The following CORIN variants were observed in gnomAD, a reference collection of about 807,000 sequenced individuals.
CORIN encodes the protein atrial natriuretic peptide-converting enzyme.
A neutral mutation model predicts 125.3 loss-of-function variants in CORIN; 117 were observed. The ratio of observed to expected loss-of-function variants is 0.93; its 90% CI spans 0.80 to 1.09. CORIN has a LOEUF of 1.09. CORIN is among the 50% of genes least tolerant of loss of function. CORIN has a pLI of 0.00. For missense variants in CORIN, 1,253 were observed against 1,306.7 expected (o/e 0.96, Z 0.63); for synonymous variants, 450 against 466.4 (o/e 0.96, Z 0.45).
intron 7 of CORIN, chr4:47,683,443 A>C: frequency 8.0e-6 from 2 of 251,550 alleles, no homozygotes; most frequent in Non-Finnish European, 1.5e-5. Flanking sequence ...GAGAAACAGA[A>C]CACATTTGAG....
intron 5 of CORIN, chr4:47,706,360 A>C: frequency 6.3e-7 from 1 of 1,581,302 alleles, no homozygotes; most frequent in Non-Finnish European, 8.6e-7. Flanking sequence ...GGCAGCCATC[A>C]GGTAAGCCAA....
At chr4:47,754,801 C>T (rs73144301) in intron 4 of CORIN, among the ~76,000 whole-genome samples, 81 of 152,272 alleles carry the variant, frequency 5.3e-4, no homozygotes, top group African/African-American at 1.9e-3. Context: ...ACCAGAAGTC[C>T]TGCAGTTAAC....
intron 5 of CORIN, among the ~76,000 whole-genome samples, chr4:47,719,546 T>C (rs571898555): frequency 1.3e-5 from 2 of 152,348 alleles, no homozygotes; most frequent in South Asian, 2.1e-4. Flanking sequence ...TATTAAACCA[T>C]ATAATGCAGT....
intron 19 of CORIN, among the ~76,000 whole-genome samples, chr4:47,621,686 T>A (rs1358953164): frequency 6.6e-6 from 1 of 152,146 alleles, no homozygotes; most frequent in Non-Finnish European, 1.5e-5. Flanking sequence ...ATTTTATGTA[T>A]CAATTTGGCT....
chr4:47,629,808 C>G (rs1419247288), intron 16 of CORIN, among the ~76,000 whole-genome samples: 1 of 152,128 alleles, frequency 6.6e-6, no homozygotes, highest in South Asian at 2.1e-4. Context: ...AAAAGACTAA[C>G]TTGTTTTATT....
At chr4:47,610,995 T>C (rs1721847358) in intron 19 of CORIN, among the ~76,000 whole-genome samples, 1 of 152,176 alleles carries the variant, frequency 6.6e-6, no homozygotes, top group Admixed American at 6.5e-5. Flanking sequence ...TTGGTTACTG[T>C]AGTCTTGTAG....
intron 10 of CORIN, among the ~76,000 whole-genome samples, chr4:47,672,632 G>T (rs1431879504): frequency 1.3e-5 from 2 of 152,010 alleles, no homozygotes; most frequent in Non-Finnish European, 2.9e-5. Flanking sequence ...GTGTGTGTGT[G>T]TGTATATATA....
chr4:47,732,123 A>G (rs1727903605), intron 5 of CORIN, among the ~76,000 whole-genome samples: 1 of 152,178 alleles, frequency 6.6e-6, no homozygotes, highest in Admixed American at 6.5e-5. Flanking sequence ...TTTCCCAGAG[A>G]AAATATATAA....
At chr4:47,609,218 T>C (rs1721774953) in intron 19 of CORIN, among the ~76,000 whole-genome samples, 1 of 152,142 alleles carries the variant, frequency 6.6e-6, no homozygotes, top group South Asian at 2.1e-4. Context: ...TTGTGCTCTG[T>C]CCTTGGCATT....
In CORIN at chr4:47,806,961, G is replaced by C; in HGVS notation, c.150C>G (p.Val50=). The C allele has an allele frequency of 6.2e-7, 1 of 1,613,860 alleles. No individual in the cohort carries two copies. The highest frequency in any genetic ancestry group is 8.5e-7 in the Non-Finnish European group (1 of 1,179,792). Reference sequence around the variant, plus strand: ...CGAGAGCACAGATACATGGAATCAGGACCAGCAATAGGAACCGGAGGAGGT... The same window carrying C: ...CGAGAGCACAGATACATGGAATCAGCACCAGCAATAGGAACCGGAGGAGGT... ...TANLLRFLLL[V]LIPCICALVL... The change falls in exon 2 of 22, where the codon GTC becomes GTG. Residue 50 remains valine (V), a synonymous_variant. Coordinates refer to ENST00000273857, the MANE Select transcript of CORIN (RefSeq NM_006587.4).
chr4:47,740,611 T>C (rs1728344356), intron 5 of CORIN, among the ~76,000 whole-genome samples: 1 of 151,946 alleles, frequency 6.6e-6, no homozygotes, highest in Admixed American at 6.6e-5. Flanking sequence ...ATAGCTGAAT[T>C]TTTTTCAGAA....
chr4:47,780,097 C>A (rs1730473064), intron 3 of CORIN, among the ~76,000 whole-genome samples: 1 of 150,746 alleles, frequency 6.6e-6, no homozygotes, highest in African/African-American at 2.4e-5. Context: ...GTCATTATAA[C>A]AATAGATTAG....
intron 13 of CORIN, among the ~76,000 whole-genome samples, chr4:47,653,255 G>A (rs755462668): frequency 6.6e-6 from 1 of 152,086 alleles, no homozygotes; most frequent in African/African-American, 2.4e-5. Flanking sequence ...GCATATATGG[G>A]GTTCCATACA....
chr4:47,716,208 C>A (rs1427814316), intron 5 of CORIN, among the ~76,000 whole-genome samples: 5 of 152,156 alleles, frequency 3.3e-5, no homozygotes, highest in Admixed American at 3.3e-4. Flanking sequence ...CCAACTTGCT[C>A]CCAACATCTG....
At chr4:47,761,030 T>G (rs1729423603) in intron 4 of CORIN, among the ~76,000 whole-genome samples, 1 of 152,254 alleles carries the variant, frequency 6.6e-6, no homozygotes, top group Non-Finnish European at 1.5e-5. Flanking sequence ...AGGCTTTGGC[T>G]TAAGAGAATG....
intron 16 of CORIN, among the ~76,000 whole-genome samples, chr4:47,630,219 A>G (rs1197518681): frequency 6.6e-6 from 1 of 152,230 alleles, no homozygotes; most frequent in Non-Finnish European, 1.5e-5. Flanking sequence ...TCAAAATTTG[A>G]ATTTTTGATT....
intron 14 of CORIN, 122 bp downstream of exon 14, chr4:47,644,959 A>C (rs1723400797): frequency 1.8e-6 from 1 of 563,086 alleles, no homozygotes; most frequent in South Asian, 2.6e-5. Context: ...TTTGATCAAA[A>C]GATGTGAAAA....
At chr4:47,834,156 C>T (rs2109997542) in intron 1 of CORIN, among the ~76,000 whole-genome samples, 1 of 152,238 alleles carries the variant, frequency 6.6e-6, no homozygotes, top group East Asian at 1.9e-4. Flanking sequence ...CAGCATTATT[C>T]ACAATAGCAA....
At chr4:47,663,827 A>T (rs1286314365) in intron 11 of CORIN, among the ~76,000 whole-genome samples, 1 of 152,168 alleles carries the variant, frequency 6.6e-6, no homozygotes, top group Non-Finnish European at 1.5e-5. Flanking sequence ...AGATACTTTT[A>T]AAAGTACTTA....
Sources: allele counts gnomAD v4.1 joint callset (sites outside exome capture counted in the v4.1 genomes callset), GRCh38; gene constraint gnomAD v4.1.1; transcripts MANE v1.5; gene names NCBI Gene and HGNC (gene_info 2026-07-23, HGNC 2026-07-21).